Variants in PRKCSH observed in about 807,000 individuals in gnomAD.
PRKCSH encodes the protein glucosidase 2 subunit beta.
Under a neutral mutation model 79.7 loss-of-function variants are expected in PRKCSH, and 42 were observed. The observed-to-expected ratio is 0.53, with a 90% CI of 0.41 to 0.68. The LOEUF is 0.68. Among genes scored for constraint, PRKCSH ranks in the 30% least tolerant of loss-of-function variants. PRKCSH has a pLI of 0.00. For missense variants in PRKCSH, 686 were observed against 709.0 expected, an observed-to-expected ratio of 0.97 and a Z score of 0.37; for synonymous variants, 325 against 288.2, an observed-to-expected ratio of 1.13 and a Z score of -1.29.
chr19:11,448,422 A>T lies in PRKCSH; in HGVS notation c.1197-118A>T, dbSNP rs557073899. The T allele has an allele frequency of 4.1e-6, 6 of 1,454,022 alleles. No individual in the cohort carries two copies. The African/African-American group carries it at 5.6e-5, about 13-fold the overall frequency. 90.1% of individuals were successfully genotyped at this position (1,454,022 alleles called of 1,614,324 possible). ...GGTCCCTGCAGGGAGGGTCCCTGGGAGGTGGCAGGGAGGACAGCCTGGGCA... is the reference window on the plus strand; with the variant it reads ...GGTCCCTGCAGGGAGGGTCCCTGGGTGGTGGCAGGGAGGACAGCCTGGGCA... On this transcript the variant is annotated intron_variant, in intron 13 of 17. Coordinates refer to ENST00000677123, the MANE Select transcript of PRKCSH (RefSeq NM_001289104.2). This position sits in a 1 kb window ranked among gnomAD's most constrained non-coding sequence, Gnocchi z 4.4.
intron 3 of PRKCSH, chr19:11,436,751 G>T: frequency 2.0e-6 from 1 of 497,682 alleles, no homozygotes; most frequent in South Asian, 2.0e-5. Context: ...TCCCGAAGGT[G>T]CTGCAGATGG....
chr19:11,450,076 C>G (rs1970532432), intron 17 of PRKCSH: 2 of 149,152 alleles, frequency 1.3e-5, no homozygotes, highest in African/African-American at 5.0e-5. Flanking sequence ...GATCTCCTGA[C>G]CTCGTGATCC....
rs778598262 is a variant in PRKCSH at position 11,446,359 on chromosome 19, G to A, written c.762+9G>A. The A allele has an allele frequency of 9.3e-6, 15 of 1,611,600 alleles. No individual in the cohort carries two copies. The highest frequency in any genetic ancestry group is 1.7e-5 in the Admixed American group (1 of 59,662). ...CAGAAGCGGAAGCTCAGGTACCCCCGGCTGCCCCTTGGTTGGGGACTTCTA... is the reference window on the plus strand; with the variant it reads ...CAGAAGCGGAAGCTCAGGTACCCCCAGCTGCCCCTTGGTTGGGGACTTCTA... On this transcript the variant is annotated intron_variant, in intron 9 of 17. Transcript: ENST00000677123.
chr19:11,447,130 GGCC>G lies in PRKCSH; in HGVS notation c.823_825del (p.Ala275del), dbSNP rs765522821. 5.0e-6 allele frequency: 8 copies of G among 1,613,952 alleles called. No individual in the cohort carries two copies. The South Asian group carries it at 6.6e-5, about 13-fold the overall frequency. On this transcript the variant is annotated inframe_deletion, in exon 10 of 18. Transcript: ENST00000677123. The surrounding 1 kb of genome is among the most constrained non-coding windows in gnomAD (Gnocchi z 5.6). The stretch of plus-strand genomic sequence containing the variant: ...CCACCTCTTTCTACGACCGCGTCTG[GGCC>G]GCCATCAGGGACAAGTACCGGTCCG...
chr19:11,445,231 A>G (rs1289300731), intron 7 of PRKCSH, among the ~76,000 whole-genome samples, 158 bp from the exon 8 acceptor site: 1 of 152,154 alleles, frequency 6.6e-6, no homozygotes, highest in African/African-American at 2.4e-5. Context: ...CTCCCCTGGT[A>G]AGGGCAGGGA....
intron 7 of PRKCSH, among the ~76,000 whole-genome samples, chr19:11,444,486 G>T (rs1359791586): frequency 6.6e-6 from 1 of 152,204 alleles, no homozygotes; most frequent in Non-Finnish European, 1.5e-5. Flanking sequence ...AACAGTGTCA[G>T]CCGGGTCTCC....
chr19:11,448,815 T>G lies in PRKCSH; in HGVS notation c.1287-99T>G. The G allele has an allele frequency of 6.8e-7, 1 of 1,474,400 alleles. No individual in the cohort carries two copies. The highest frequency in any genetic ancestry group is 9.5e-7 in the Non-Finnish European group (1 of 1,054,814). 91.3% of individuals were successfully genotyped at this position (1,474,400 alleles called of 1,614,324 possible). ...TAGGGTTGGTCATTGGAGTTGGAGG[T>G]ACCCTGTGTGTGGGGACTGGAGGAG... On this transcript the variant is annotated intron_variant, in intron 14 of 17. Transcript: ENST00000677123. This position sits in a 1 kb window ranked among gnomAD's most constrained non-coding sequence, Gnocchi z 4.4.
At chr19:11,437,087 G>C (rs1333370399) in intron 3 of PRKCSH, among the ~76,000 whole-genome samples, 1 of 152,080 alleles carries the variant, frequency 6.6e-6, no homozygotes, top group Non-Finnish European at 1.5e-5. Flanking sequence ...CCAGGCTGGA[G>C]TGCAGTGGCG....
chr19:11,438,988 AC>A (rs1969918623), intron 5 of PRKCSH, among the ~76,000 whole-genome samples: 1 of 151,428 alleles, frequency 6.6e-6, no homozygotes, highest in Admixed American at 6.6e-5. Flanking sequence ...GCTCACTGCA[AC>A]CTCTGCCCTT....
chr19:11,442,587 C>G (rs1386921017), intron 7 of PRKCSH, 72 bp downstream of exon 7: 25 of 1,570,712 alleles, frequency 1.6e-5, no homozygotes, highest in Non-Finnish European at 1.8e-5. Context: ...GAGTCTCCCG[C>G]TCATTATCTG....
rs781525479 is a variant in PRKCSH, at chr19:11,449,446, G to A, written c.*16+18G>A. 2 of 1,612,554 alleles carry A rather than the reference G, an allele frequency of 1.2e-6. No homozygotes were observed. The highest frequency in any genetic ancestry group is 1.7e-5 in the Admixed American group (1 of 60,000). On this transcript the variant is annotated intron_variant, in intron 17 of 17. Transcript: ENST00000677123. The surrounding 1 kb of genome is among the most constrained non-coding windows in gnomAD (Gnocchi z 6.4). ...GCGCAGAGGTGGGCGGGGAGGTGGAGTCTCGTCGGCCTGCCCCAGCAAGGG... is the reference window on the plus strand; with the variant it reads ...GCGCAGAGGTGGGCGGGGAGGTGGAATCTCGTCGGCCTGCCCCAGCAAGGG...
At position 11,448,673 on chromosome 19, in the gene PRKCSH, GC is replaced by G. The variant is rs764639677; in HGVS notation, c.1286+45del. ...GGGGCCCCCACTGGCAGGGTGGGAG[GC>G]GGGTGGCCCCGGAAGTGGCACCGGC... On this transcript the variant is annotated intron_variant, in intron 14 of 17. Coordinates refer to ENST00000677123, the MANE Select transcript of PRKCSH (RefSeq NM_001289104.2). The surrounding 1 kb of genome is among the most constrained non-coding windows in gnomAD (Gnocchi z 4.4). 6.3e-7 allele frequency: 1 copy of G among 1,575,814 alleles called. No homozygotes were observed. Among genetic ancestry groups the G allele is most frequent in the Admixed American group, 1.7e-5 (1 of 59,964 alleles).
At chr19:11,439,593 A>C (rs1969952104) in intron 5 of PRKCSH, among the ~76,000 whole-genome samples, 1 of 145,950 alleles carries the variant, frequency 6.9e-6, no homozygotes, top group African/African-American at 2.6e-5. Context: ...GTCTCAGAAA[A>C]ATTTTTCTTT....
Position 11,436,424 on chromosome 19 carries a change from T to A in PRKCSH, c.115T>A (p.Cys39Ser). Residue 39 changes from cysteine (C) to serine (S), a missense_variant, in exon 3 of 18, where the codon TGC becomes AGC. By Grantham distance (112) the Cys-to-Ser change is moderately radical. This residue lies in a region of PRKCSH where 549 missense variants were observed against 520.2 expected (regional missense o/e 1.06). Transcript: ENST00000677123. ...HFYDESKPFT[C>S]LDGSATIPFD... ...CTACGATGAGTCCAAGCCTTTCACC[T>A]GCCTGGACGGTTCGGCCACCATCCC... 1 of 1,614,208 alleles carries A rather than the reference T, an allele frequency of 6.2e-7. No individual in the cohort carries two copies. Among genetic ancestry groups the A allele is most frequent in the Non-Finnish European group, 8.5e-7 (1 of 1,180,040 alleles).
intron 6 of PRKCSH, 128 bp from the exon 7 acceptor site, chr19:11,442,258 G>C: frequency 7.2e-7 from 1 of 1,380,076 alleles, no homozygotes; most frequent in Non-Finnish European, 9.9e-7. Flanking sequence ...GCTCGGGAGA[G>C]AGACCCAGCT....
chr19:11,439,605 C>CTTTT (rs758607686), intron 5 of PRKCSH, among the ~76,000 whole-genome samples: 118 of 68,862 alleles, frequency 1.7e-3, no homozygotes, highest in Non-Finnish European at 2.2e-3. Flanking sequence ...TTTTTCTTTT[C>CTTTT]TTTTTTTTTT....
chr19:11,441,683 G>A (rs1970069138), intron 6 of PRKCSH, among the ~76,000 whole-genome samples: 1 of 152,296 alleles, frequency 6.6e-6, no homozygotes, highest in East Asian at 1.9e-4. Flanking sequence ...TGTAAGATGG[G>A]CTGATGACCA....
chr19:11,442,724 C>G (rs962001016), intron 7 of PRKCSH, among the ~76,000 whole-genome samples: 1 of 152,232 alleles, frequency 6.6e-6, no homozygotes, highest in Admixed American at 6.5e-5. Context: ...TTTTTTGAAA[C>G]AGCGTCTCCC....
At chr19:11,442,288 T>A in intron 6 of PRKCSH, 98 bp from the exon 7 acceptor site, 7 of 1,482,558 alleles carry the variant, frequency 4.7e-6, no homozygotes, top group Non-Finnish European at 6.4e-6. Context: ...TTTTGGAACA[T>A]CTCCCTGCTG....
Sources: gnomAD v4.1 joint callset for allele counts (sites outside exome capture counted in the v4.1 genomes callset) on GRCh38, gnomAD v4.1.1 for gene constraint, gnomAD v4.1.1 regional missense constraint, Gnocchi (gnomAD v3.1) non-coding constraint, MANE v1.5 for transcripts, NCBI Gene and HGNC (gene_info 2026-07-23, HGNC 2026-07-21) for gene names.